ADCY3: variants seen among roughly 807,000 people sequenced by gnomAD.
The protein encoded by ADCY3 is adenylate cyclase 3.
Under a neutral mutation model 119.4 loss-of-function variants are expected in ADCY3, and 70 were observed. The ratio of observed to expected loss-of-function variants is 0.59; its 90% CI spans 0.48 to 0.72. The LOEUF is 0.72. ADCY3 is among the 30% of genes least tolerant of loss of function. The pLI is 0.00. For synonymous variants in ADCY3, 672 were observed against 621.4 expected, an observed-to-expected ratio of 1.08 and a Z score of -1.21; for missense variants, 1,238 against 1,541.6, an observed-to-expected ratio of 0.80 and a Z score of 3.30.
At chr2:24,828,377 ACTCT>A (rs957105259) in intron 13 of ADCY3, among the ~76,000 whole-genome samples, 1 of 151,970 alleles carries the variant, frequency 6.6e-6, no homozygotes, top group African/African-American at 2.4e-5. Context: ...ATTCACAAAA[ACTCT>A]CTCGAGTATT....
chr2:24,853,641 T>C (rs1023244145), intron 3 of ADCY3, among the ~76,000 whole-genome samples: 2 of 151,990 alleles, frequency 1.3e-5, no homozygotes, highest in African/African-American at 4.8e-5. Flanking sequence ...GGCTAATTTT[T>C]ATATGTTTAG....
intron 2 of ADCY3, among the ~76,000 whole-genome samples, chr2:24,917,784 G>C (rs541968657): frequency 1.3e-5 from 2 of 152,172 alleles, no homozygotes; most frequent in African/African-American, 4.8e-5. Context: ...TGACAACTGC[G>C]TCTTCCCTCT....
chr2:24,832,716 C>T (rs1450801032), intron 11 of ADCY3, among the ~76,000 whole-genome samples: 1 of 152,208 alleles, frequency 6.6e-6, no homozygotes, highest in Non-Finnish European at 1.5e-5. Context: ...TGTTGCAGCA[C>T]AGCCTGCATG....
intron 20 of ADCY3, 24 bp from the exon 21 acceptor site, chr2:24,820,872 G>A: frequency 6.2e-7 from 1 of 1,612,452 alleles, no homozygotes; most frequent in South Asian, 1.1e-5. Flanking sequence ...ATAAAGTTCA[G>A]CACAGCCACA....
In ADCY3 at chr2:24,842,999, C is replaced by G. The variant is rs767173658; in HGVS notation, c.826-615G>C. ...GAGAGAAGCAGGGGCCAAGGTCGGC[C>G]GGGGAGGAGGCATCAAGGAGGCCTT... On this transcript the variant is annotated intron_variant, in intron 3 of 21. Coordinates refer to ENST00000679454, the MANE Select transcript of ADCY3 (RefSeq NM_004036.5). The surrounding 1 kb of genome is among the most constrained non-coding windows in gnomAD (Gnocchi z 4.9). Among the ~76,000 whole-genome samples, 1 of 152,138 alleles carries G rather than the reference C, an allele frequency of 6.6e-6. No individual in the cohort carries two copies. The highest frequency in any genetic ancestry group is 6.5e-5 in the Admixed American group (1 of 15,276).
chr2:24,904,524 A>AG (rs1347754489), intron 2 of ADCY3, among the ~76,000 whole-genome samples: 25 of 150,824 alleles, frequency 1.7e-4, no homozygotes, highest in African/African-American at 2.2e-4. Flanking sequence ...CCATCTCAAA[A>AG]AAAAAGAAAA....
At chr2:24,846,578 A>AT (rs111318790) in intron 3 of ADCY3, among the ~76,000 whole-genome samples, 28,610 of 139,262 alleles carry the variant, frequency 0.21, 3,389 homozygotes, top group African/African-American at 0.34. Flanking sequence ...TTTGCTTTTG[A>AT]TTTTTTTTTT....
chr2:24,861,944 A>G (rs1049333035), intron 3 of ADCY3, among the ~76,000 whole-genome samples: 2 of 152,200 alleles, frequency 1.3e-5, no homozygotes, highest in Admixed American at 1.3e-4. Flanking sequence ...ATCCCCTAAC[A>G]ATGGTATTAT....
chr2:24,833,508 A>G (rs1041539330), intron 11 of ADCY3, among the ~76,000 whole-genome samples: 1 of 152,248 alleles, frequency 6.6e-6, no homozygotes, highest in African/African-American at 2.4e-5. Flanking sequence ...GCTCCCCAGC[A>G]GCATACCCGC....
At chr2:24,827,215 G>A (rs944372121) in intron 15 of ADCY3, among the ~76,000 whole-genome samples, 3 of 152,260 alleles carry the variant, frequency 2.0e-5, no homozygotes, top group South Asian at 2.1e-4. Flanking sequence ...TCATGGAAAC[G>A]GACCTGCCTG....
chr2:24,834,716 T>C lies in ADCY3; in HGVS notation c.1806-70A>G, dbSNP rs879430208. On this transcript the variant is annotated intron_variant, in intron 10 of 21. Coordinates refer to ENST00000679454, the MANE Select transcript of ADCY3 (RefSeq NM_004036.5). This position sits in a 1 kb window ranked among gnomAD's most constrained non-coding sequence, Gnocchi z 4.2. ...CTTGGCCTAGCAGGGGGGCCGTATT[T>C]GGGATGCTCAGTTTCCTGAATCCCT... The C allele has an allele frequency of 3.7e-6, 6 of 1,602,464 alleles. No individual in the cohort carries two copies. The East Asian group carries it at 1.1e-4, about 30-fold the overall frequency.
intron 13 of ADCY3, among the ~76,000 whole-genome samples, chr2:24,828,608 T>C (rs1668961025): frequency 2.0e-5 from 3 of 152,174 alleles, no homozygotes; most frequent in South Asian, 4.1e-4. Flanking sequence ...ATCCTTCCAT[T>C]GGGGGGATGT....
chr2:24,910,661 C>CTTTTTT (rs59644324), intron 2 of ADCY3, among the ~76,000 whole-genome samples: 12 of 131,456 alleles, frequency 9.1e-5, no homozygotes, highest in South Asian at 2.4e-4. Context: ...CTTTTCTTTT[C>CTTTTTT]TTTTTTTTTT....
intron 20 of ADCY3, 110 bp downstream of exon 20, chr2:24,821,407 C>T (rs1667689843): frequency 6.7e-7 from 1 of 1,481,996 alleles, no homozygotes; most frequent in Non-Finnish European, 9.1e-7. Context: ...GTGAACCTCC[C>T]CACCCGAATT....
chr2:24,875,021 G>A (rs17046683), intron 2 of ADCY3, among the ~76,000 whole-genome samples: 5,276 of 152,200 alleles, frequency 0.035, 316 homozygotes, highest in African/African-American at 0.12. Context: ...GTCTTAGGTA[G>A]ACAACCGAGG....
intron 3 of ADCY3, among the ~76,000 whole-genome samples, chr2:24,865,489 C>CTGTGTGTGTGTGTGTGTGTG (rs3222240): frequency 7.1e-6 from 1 of 140,428 alleles, no homozygotes; most frequent in Non-Finnish European, 1.6e-5. Flanking sequence ...AGGCTATCAT[C>CTGTGTGTGTGTGTGTGTGTG]TGTGTGTGTG....
At chr2:24,861,724 A>G (rs1288513542) in intron 3 of ADCY3, among the ~76,000 whole-genome samples, 4 of 152,156 alleles carry the variant, frequency 2.6e-5, no homozygotes, top group African/African-American at 7.2e-5. Context: ...GTCAGCCCCA[A>G]TGCCTTGGGA....
At chr2:24,844,715 G>A (rs2148606056) in intron 3 of ADCY3, among the ~76,000 whole-genome samples, 1 of 152,296 alleles carries the variant, frequency 6.6e-6, no homozygotes, top group South Asian at 2.1e-4. Context: ...GGCTTCATGG[G>A]GAGAATTTAT....
rs184438405 is a variant in ADCY3, at chr2:24,861,833, C to T, written c.825+10737G>A. On this transcript the variant is annotated intron_variant, in intron 3 of 21. Transcript: ENST00000679454. ...TCACCACCCTGACTTCAGCCGGTGCCTCCCCAGGGGCTGGGGGCCAGCGTG... is the reference window on the plus strand; with the variant it reads ...TCACCACCCTGACTTCAGCCGGTGCTTCCCCAGGGGCTGGGGGCCAGCGTG... Among the ~76,000 whole-genome samples the T allele has an allele frequency of 3.8e-3, 572 of 152,360 alleles. 1 individual carries two copies. Among genetic ancestry groups the T allele is most frequent in the Non-Finnish European group, 6.1e-3 (413 of 68,024 alleles).
Sources: allele counts gnomAD v4.1 joint callset (sites outside exome capture counted in the v4.1 genomes callset), GRCh38; gene constraint gnomAD v4.1.1; non-coding constraint Gnocchi (gnomAD v3.1); transcripts MANE v1.5; gene names NCBI Gene and HGNC (gene_info 2026-07-23, HGNC 2026-07-21).